Variants in MCTP1 observed in about 807,000 individuals in gnomAD.
The protein encoded by MCTP1 is multiple C2 and transmembrane domain-containing protein 1.
Under a neutral mutation model 120.6 loss-of-function variants are expected in MCTP1, and 69 were observed. The observed-to-expected ratio is 0.57, with a 90% CI of 0.47 to 0.70. The LOEUF is 0.70. Ranked by LOEUF, MCTP1 falls within the 30% of genes least tolerant of loss-of-function variation. The probability of loss-of-function intolerance (pLI) is 0.00; values close to 1 mark genes in which losing one functional copy is unlikely to be tolerated. For missense variants in MCTP1, 1,203 were observed against 1,248.8 expected (o/e 0.96, Z 0.55); for synonymous variants, 529 against 493.1 (o/e 1.07, Z -0.96).
chr5:95,269,143 T>G (rs527671518), intron 1 of MCTP1, among the ~76,000 whole-genome samples: 150 of 152,318 alleles, frequency 9.8e-4, no homozygotes, highest in African/African-American at 3.5e-3. Context: ...TGTCTGCAAA[T>G]CAATTAAGAC....
intron 1 of MCTP1, among the ~76,000 whole-genome samples, chr5:95,141,175 A>G (rs1050377928): frequency 6.6e-6 from 1 of 152,238 alleles, no homozygotes; most frequent in Admixed American, 6.5e-5. Flanking sequence ...AGAGTAAGAT[A>G]CATAACTTTT....
chr5:95,073,988 T>C (rs929666180), intron 1 of MCTP1, among the ~76,000 whole-genome samples: 1 of 151,778 alleles, frequency 6.6e-6, no homozygotes, highest in African/African-American at 2.4e-5. Flanking sequence ...TGGTGGCGGG[T>C]GCCTATAATC....
intron 1 of MCTP1, among the ~76,000 whole-genome samples, chr5:95,225,201 CT>C (rs1754123346): frequency 6.6e-6 from 1 of 152,160 alleles, no homozygotes; most frequent in African/African-American, 2.4e-5. Flanking sequence ...TCTCCATGGA[CT>C]CAGCCTACTA....
intron 17 of MCTP1, among the ~76,000 whole-genome samples, chr5:94,815,150 C>A (rs1410856758): frequency 6.6e-6 from 1 of 152,080 alleles, no homozygotes; most frequent in Admixed American, 6.6e-5. Flanking sequence ...AAAATAGAAA[C>A]GAAAACTGCT....
Position 95,168,610 on chromosome 5 carries a change from C to A in MCTP1, c.720+115246G>T, listed in dbSNP as rs1028488085. On this transcript the variant is annotated intron_variant, in intron 1 of 22. Transcript: ENST00000515393. Reference sequence around the variant, plus strand: ...GTTTGTAGTTCTCCTTGAAGAGGTCCTTCACATCCCTTGTAAGGTGGATTC... The same window carrying A: ...GTTTGTAGTTCTCCTTGAAGAGGTCATTCACATCCCTTGTAAGGTGGATTC... Among the ~76,000 whole-genome samples the A allele has an allele frequency of 7.2e-5, 11 of 152,208 alleles. No homozygotes were observed. The South Asian group carries it at 2.3e-3, about 32-fold the overall frequency.
intron 10 of MCTP1, among the ~76,000 whole-genome samples, chr5:94,900,923 T>C (rs1024303412): frequency 6.6e-6 from 1 of 152,248 alleles, no homozygotes; most frequent in Non-Finnish European, 1.5e-5. Context: ...GCTATGTAAA[T>C]GTATTATCTA....
chr5:94,743,312 C>G (rs1231539296), intron 19 of MCTP1, among the ~76,000 whole-genome samples: 1 of 118,444 alleles, frequency 8.4e-6, no homozygotes, highest in East Asian at 2.6e-4. Context: ...TATTTCAATT[C>G]AATAAAAAAA....
chr5:95,041,312 A>G (rs1174340652), intron 1 of MCTP1, among the ~76,000 whole-genome samples: 10 of 81,768 alleles, frequency 1.2e-4, no homozygotes, highest in African/African-American at 3.7e-4. Flanking sequence ...CCATGCTCTG[A>G]AAAAAAAAAA....
At chr5:95,111,073 C>T (rs1026142292) in intron 1 of MCTP1, among the ~76,000 whole-genome samples, 4 of 152,178 alleles carry the variant, frequency 2.6e-5, no homozygotes, top group African/African-American at 9.7e-5. Flanking sequence ...ACACAATCTG[C>T]AATACACAAG....
intron 14 of MCTP1, 142 bp from the exon 15 acceptor site, chr5:94,871,115 C>G: frequency 1.4e-6 from 1 of 734,760 alleles, no homozygotes; most frequent in Admixed American, 2.4e-5. Flanking sequence ...TGTTCATTAC[C>G]AGGATCAAGT....
At chr5:95,025,415 A>G (rs959683183) in intron 1 of MCTP1, among the ~76,000 whole-genome samples, 1 of 152,216 alleles carries the variant, frequency 6.6e-6, no homozygotes, top group African/African-American at 2.4e-5. Flanking sequence ...TTCTAGGCAC[A>G]GTTTGAAAAT....
intron 19 of MCTP1, among the ~76,000 whole-genome samples, chr5:94,744,855 C>G (rs1766505159): frequency 3.3e-5 from 5 of 152,050 alleles, no homozygotes; most frequent in Middle Eastern, 3.4e-3. Flanking sequence ...GATTTGATAC[C>G]AAGACTAAAA....
At chr5:94,712,986 T>C (rs1216998935) in intron 20 of MCTP1, among the ~76,000 whole-genome samples, 1 of 151,790 alleles carries the variant, frequency 6.6e-6, no homozygotes, top group Non-Finnish European at 1.5e-5. Context: ...TTAGAAAAAA[T>C]AAAATAAAAT....
chr5:94,873,319 C>G, intron 12 of MCTP1, 78 bp from the exon 13 acceptor site: 1 of 780,508 alleles, frequency 1.3e-6, no homozygotes. Flanking sequence ...GACCATATCT[C>G]TTTTGCAAAA....
At chr5:95,099,258 C>G (rs1383211461) in intron 1 of MCTP1, among the ~76,000 whole-genome samples, 1 of 152,088 alleles carries the variant, frequency 6.6e-6, no homozygotes, top group African/African-American at 2.4e-5. Flanking sequence ...CAACAAAAGA[C>G]AAAATTGACA....
chr5:95,024,135 G>T (rs752068670), intron 1 of MCTP1: 14 of 431,648 alleles, frequency 3.2e-5, no homozygotes, highest in South Asian at 1.7e-4. Context: ...TGCTTTTGTT[G>T]CCTCTGCTTT....
intron 18 of MCTP1, among the ~76,000 whole-genome samples, chr5:94,786,272 C>A (rs1777667208): frequency 6.6e-6 from 1 of 151,956 alleles, no homozygotes; most frequent in Non-Finnish European, 1.5e-5. Context: ...TTTTCTTTTC[C>A]ATCTAGAACA....
chr5:94,807,711 A>G (rs1222509504), intron 17 of MCTP1, among the ~76,000 whole-genome samples: 1 of 17,596 alleles, frequency 5.7e-5, no homozygotes, highest in Non-Finnish European at 1.0e-4. Flanking sequence ...AGGATGGGAG[A>G]AGGGAAATAC....
intron 1 of MCTP1, among the ~76,000 whole-genome samples, chr5:95,257,861 C>T (rs906901722): frequency 8.6e-6 from 1 of 115,938 alleles, no homozygotes; most frequent in East Asian, 2.5e-4. Context: ...GGCACTGGGT[C>T]GAAATGAAAG....
Sources: gnomAD v4.1 joint callset for allele counts (sites outside exome capture counted in the v4.1 genomes callset) on GRCh38, gnomAD v4.1.1 for gene constraint, MANE v1.5 for transcripts, NCBI Gene and HGNC (gene_info 2026-07-23, HGNC 2026-07-21) for gene names.